Variants in CNTN5 observed in about 807,000 individuals in gnomAD.
CNTN5 encodes contactin-5.
In CNTN5, 77 loss-of-function variants were observed where a neutral mutation model predicts 129.1. That is an observed-to-expected ratio of 0.60 (90% CI 0.50 to 0.72). The LOEUF (loss-of-function observed/expected upper bound fraction) is 0.72, where lower values mean the gene tolerates loss of function less well. CNTN5 is among the 30% of genes least tolerant of loss of function. The pLI is 0.00. For synonymous variants in CNTN5, 509 were observed against 465.6 expected (o/e 1.09, Z -1.20); for missense variants, 1,478 against 1,328.8 (o/e 1.11, Z -1.75).
intron 1 of CNTN5, among the ~76,000 whole-genome samples, chr11:99,232,903 A>G (rs572361048): frequency 6.6e-6 from 1 of 152,276 alleles, no homozygotes; most frequent in South Asian, 2.1e-4. Flanking sequence ...TTTTGTTTCT[A>G]TGATAAGGGA....
intron 6 of CNTN5, among the ~76,000 whole-genome samples, chr11:99,846,137 C>A (rs1343157078): frequency 6.6e-6 from 1 of 150,686 alleles, no homozygotes; most frequent in Non-Finnish European, 1.5e-5. Context: ...TAGACACACA[C>A]ACACACACAC....
chr11:100,087,495 A>T (rs891670584), intron 13 of CNTN5, among the ~76,000 whole-genome samples: 2 of 151,914 alleles, frequency 1.3e-5, no homozygotes, highest in Non-Finnish European at 2.9e-5. Context: ...CAAAGACAAT[A>T]TGAGAAGTAA....
chr11:99,569,218 C>T (rs1949100358), intron 3 of CNTN5, among the ~76,000 whole-genome samples: 1 of 152,158 alleles, frequency 6.6e-6, no homozygotes, highest in Non-Finnish European at 1.5e-5. Context: ...AAATATCTAT[C>T]TGTTCTATTT....
chr11:99,489,147 GT>G (rs1945935687), intron 2 of CNTN5, among the ~76,000 whole-genome samples: 1 of 151,992 alleles, frequency 6.6e-6, no homozygotes, highest in Non-Finnish European at 1.5e-5. Flanking sequence ...TCCGTTTGGA[GT>G]TTTCTAGATT....
At chr11:99,710,996 C>T (rs1471488212) in intron 3 of CNTN5, among the ~76,000 whole-genome samples, 3 of 151,824 alleles carry the variant, frequency 2.0e-5, no homozygotes, top group Non-Finnish European at 2.9e-5. Context: ...ATTAATGTGT[C>T]CCACATATTG....
intron 21 of CNTN5, chr11:100,337,728 A>T (rs1002340022): frequency 1.3e-5 from 6 of 450,740 alleles, no homozygotes; most frequent in African/African-American, 8.0e-5. Context: ...TCTAGAAGTC[A>T]GTTTCATCTA....
chr11:100,315,473 CCAGA>C (rs1289494992), intron 21 of CNTN5, among the ~76,000 whole-genome samples: 2 of 152,214 alleles, frequency 1.3e-5, no homozygotes, highest in South Asian at 2.1e-4. Context: ...ATGATGACAG[CCAGA>C]CAAAGTGATC....
intron 1 of CNTN5, among the ~76,000 whole-genome samples, chr11:99,034,545 G>A (rs2135107561): frequency 6.6e-6 from 1 of 151,680 alleles, no homozygotes; most frequent in South Asian, 2.1e-4. Context: ...AGATTTTCTA[G>A]TTTATTTGCG....
intron 6 of CNTN5, among the ~76,000 whole-genome samples, chr11:99,883,895 C>A (rs912876225): frequency 6.6e-6 from 1 of 152,168 alleles, no homozygotes; most frequent in Non-Finnish European, 1.5e-5. Flanking sequence ...TTAGAAGCCA[C>A]GTCTTCTGCA....
intron 1 of CNTN5, among the ~76,000 whole-genome samples, chr11:99,097,507 A>G (rs1208844298): frequency 6.6e-6 from 1 of 151,990 alleles, no homozygotes; most frequent in South Asian, 2.1e-4. Context: ...AATCAAATCC[A>G]TAATAGCATA....
intron 13 of CNTN5, among the ~76,000 whole-genome samples, chr11:100,171,338 A>C (rs767172188): frequency 1.3e-5 from 2 of 152,038 alleles, no homozygotes; most frequent in Non-Finnish European, 2.9e-5. Context: ...ATGTACCCCT[A>C]GTTCCTATGA....
chr11:100,091,426 T>TG (rs1286935760), intron 13 of CNTN5, among the ~76,000 whole-genome samples: 2 of 56,608 alleles, frequency 3.5e-5, no homozygotes, highest in Non-Finnish European at 3.7e-5. Flanking sequence ...TATTTATTCT[T>TG]TTTTTTTTTT....
At chr11:99,528,082 CT>C (rs1947555486) in intron 2 of CNTN5, among the ~76,000 whole-genome samples, 1 of 152,116 alleles carries the variant, frequency 6.6e-6, no homozygotes, top group African/African-American at 2.4e-5. Flanking sequence ...GAAAGCTTTG[CT>C]AGAATGATGC....
chr11:100,008,097 A>G (rs1940305186), intron 9 of CNTN5, among the ~76,000 whole-genome samples: 1 of 152,110 alleles, frequency 6.6e-6, no homozygotes, highest in Admixed American at 6.6e-5. Context: ...TTCTATGGGC[A>G]TAGTTCATGG....
At chr11:100,284,663 T>C (rs1437786685) in intron 18 of CNTN5, among the ~76,000 whole-genome samples, 1 of 152,142 alleles carries the variant, frequency 6.6e-6, no homozygotes, top group East Asian at 1.9e-4. Flanking sequence ...CTTAATACGG[T>C]TGAAAAATAA....
At chr11:100,016,080 C>G (rs1258858871) in intron 9 of CNTN5, among the ~76,000 whole-genome samples, 1 of 152,008 alleles carries the variant, frequency 6.6e-6, no homozygotes, top group Non-Finnish European at 1.5e-5. Context: ...ATGCTTTTAA[C>G]AGGCAGAACA....
rs368954898 is a variant in CNTN5 at position 99,751,270 on chromosome 11, A to G, written c.56-68274A>G. On this transcript the variant is annotated intron_variant, in intron 3 of 24. Transcript: ENST00000524871. ...GAGAATTGCTTGAACTTGTGAGGCG[A>G]AGGTTGCAGTGAGCTAAGACTGTGC... is the stretch of plus-strand genomic sequence containing the variant. 3.9e-5 allele frequency among the ~76,000 whole-genome samples: 6 copies of G among 152,146 alleles called. No homozygotes were observed. The East Asian group carries it at 1.2e-3, about 29-fold the overall frequency.
At chr11:99,429,095 T>G (rs1034094586) in intron 2 of CNTN5, among the ~76,000 whole-genome samples, 2 of 152,198 alleles carry the variant, frequency 1.3e-5, no homozygotes, top group African/African-American at 4.8e-5. Context: ...TAATAATGTA[T>G]GTGTATAATT....
At chr11:99,654,607 G>A (rs1034037800) in intron 3 of CNTN5, among the ~76,000 whole-genome samples, 3 of 152,046 alleles carry the variant, frequency 2.0e-5, no homozygotes, top group African/African-American at 4.8e-5. Context: ...GGGTGAGAAA[G>A]AATGAAGACC....
Sources: gnomAD v4.1 joint callset for allele counts (sites outside exome capture counted in the v4.1 genomes callset) on GRCh38, gnomAD v4.1.1 for gene constraint, MANE v1.5 for transcripts, NCBI Gene and HGNC (gene_info 2026-07-23, HGNC 2026-07-21) for gene names.